Variants in TRPC5 observed in about 807,000 individuals in gnomAD.
TRPC5 encodes the protein transient receptor potential cation channel subfamily C member 5.
Under a neutral mutation model 56.5 loss-of-function variants are expected in TRPC5, and 9 were observed. The ratio of observed to expected loss-of-function variants is 0.16; its 90% CI spans 0.10 to 0.28. The LOEUF is 0.28. Among genes scored for constraint, TRPC5 ranks in the 10% least tolerant of loss-of-function variants. The probability of loss-of-function intolerance (pLI) is 1.00; values close to 1 mark genes in which losing one functional copy is unlikely to be tolerated. For missense variants in TRPC5, 469 were observed against 748.9 expected (o/e 0.63, Z 4.36); for synonymous variants, 282 against 278.5 (o/e 1.01, Z -0.13).
In TRPC5 at chrX:111,770,962, T is replaced by C. The variant is rs768551668; in HGVS notation, c.*5351A>G. 8.9e-6 allele frequency among the ~76,000 whole-genome samples: 1 copy of C among 112,110 alleles called. No individual in the cohort carries two copies. Among genetic ancestry groups the C allele is most frequent in the East Asian group, 2.8e-4 (1 of 3,561 alleles). On this transcript the variant is annotated 3_prime_UTR_variant, in exon 11 of 11. Transcript: ENST00000262839. ...TGTGTATGTATGTAAGCTCCTGGGA[T>C]GTTAGGTTGCCCCAAAACCTGCTAA...
At chrX:111,963,511 C>T (rs903279956) in intron 1 of TRPC5, among the ~76,000 whole-genome samples, 4 of 112,083 alleles carry the variant, frequency 3.6e-5, no homozygotes, top group South Asian at 3.7e-4. Context: ...GATCTGAGAA[C>T]GAGCAGACTG....
At chrX:111,939,023 T>C (rs1008820699) in intron 2 of TRPC5, among the ~76,000 whole-genome samples, 6 of 111,967 alleles carry the variant, frequency 5.4e-5, no homozygotes, top group Non-Finnish European at 9.4e-5. Context: ...TTCAGTACGA[T>C]AGTAGCTGTG....
At chrX:112,006,733 T>G (rs1928854629) in intron 1 of TRPC5, among the ~76,000 whole-genome samples, 1 of 112,040 alleles carries the variant, frequency 8.9e-6, no homozygotes, top group Non-Finnish European at 1.9e-5. Flanking sequence ...GGTTTGGGTT[T>G]GATTCTGGAG....
In TRPC5 at chrX:111,921,817, T is replaced by A. The variant is rs1926134822; in HGVS notation, c.379-9005A>T. On this transcript the variant is annotated intron_variant, in intron 2 of 10. Transcript: ENST00000262839. Reference sequence around the variant, plus strand: ...ACTGTCTTGCCTTTCCCTGGGACTTTTCATTCAGGCCATAATGAGTTTGCT... The same window carrying A: ...ACTGTCTTGCCTTTCCCTGGGACTTATCATTCAGGCCATAATGAGTTTGCT... Among the ~76,000 whole-genome samples the A allele has an allele frequency of 3.6e-5, 4 of 112,008 alleles. No individual in the cohort carries two copies. In the South Asian group the frequency reaches 1.5e-3, roughly 42 times the overall value.
intron 7 of TRPC5, among the ~76,000 whole-genome samples, chrX:111,824,781 G>T (rs1922137843): frequency 8.9e-6 from 1 of 111,918 alleles, no homozygotes; most frequent in Non-Finnish European, 1.9e-5. Flanking sequence ...CATTGTTGGG[G>T]CAGGGGGGAC....
chrX:111,789,662 C>T (rs190913222), intron 7 of TRPC5, among the ~76,000 whole-genome samples: 4 of 112,032 alleles, frequency 3.6e-5, no homozygotes, highest in African/African-American at 1.3e-4. Flanking sequence ...GTGCAATCTG[C>T]CCATCTGACA....
At chrX:111,781,735 A>C (rs1321908666) in intron 8 of TRPC5, among the ~76,000 whole-genome samples, 200 bp downstream of exon 8, 1 of 109,463 alleles carries the variant, frequency 9.1e-6, no homozygotes, top group African/African-American at 3.3e-5. Flanking sequence ...AAAAGTAATA[A>C]ATACAAAAAA....
intron 1 of TRPC5, among the ~76,000 whole-genome samples, chrX:111,956,246 T>C (rs750707405): frequency 1.9e-4 from 21 of 112,226 alleles, no homozygotes; most frequent in Non-Finnish European, 3.6e-4. Context: ...CTTCAGAGTG[T>C]CGTGGTATCT....
Position 111,952,169 on chromosome X carries a change from C to T in TRPC5, c.252G>A (p.Glu84=), listed in dbSNP as rs1168942773. ...TGTGGTTCAGCAGTAGCTCCATGAT[C>T]TCCAGGTTCTCGTTCTCAATGGCAA... is the stretch of plus-strand genomic sequence containing the variant. ...LLIAIENENL[E]IMELLLNHSV... is the part of the protein sequence containing the mutation. Residue 84 remains glutamate (E), a synonymous_variant, in exon 2 of 11, where the codon GAG becomes GAA. Coordinates refer to ENST00000262839, the MANE Select transcript of TRPC5 (RefSeq NM_012471.3). The T allele has an allele frequency of 3.3e-6, 4 of 1,212,199 alleles. No individual in the cohort carries two copies. The highest frequency in any genetic ancestry group is 4.5e-6 in the Non-Finnish European group (4 of 895,657).
intron 2 of TRPC5, among the ~76,000 whole-genome samples, chrX:111,925,807 C>T (rs1167500108): frequency 9.0e-6 from 1 of 111,670 alleles, no homozygotes. Flanking sequence ...AGACCCCTTA[C>T]CTTTGGAGAC....
chrX:112,027,157 T>G (rs1229459066), intron 1 of TRPC5, among the ~76,000 whole-genome samples: 2 of 111,998 alleles, frequency 1.8e-5, no homozygotes, highest in Non-Finnish European at 3.8e-5. Context: ...CTTGGTAGTA[T>G]TGGTAAATTG....
chrX:111,964,049 C>A (rs1326923063), intron 1 of TRPC5, among the ~76,000 whole-genome samples: 1 of 111,223 alleles, frequency 9.0e-6, no homozygotes, highest in East Asian at 2.8e-4. Flanking sequence ...AAATTCAAAC[C>A]AATAGCAAAG....
chrX:112,070,006 G>A (rs777495789), intron 1 of TRPC5, among the ~76,000 whole-genome samples: 3 of 111,619 alleles, frequency 2.7e-5, no homozygotes, highest in African/African-American at 3.3e-5. Flanking sequence ...CCAATGTACC[G>A]TCTGTCTCTG....
intron 1 of TRPC5, among the ~76,000 whole-genome samples, chrX:111,979,066 G>A (rs1311986180): frequency 9.0e-6 from 1 of 110,987 alleles, no homozygotes; most frequent in Non-Finnish European, 1.9e-5. Context: ...AATGAAAGAT[G>A]TACACATTGG....
At chrX:111,830,963 A>G (rs1436417362) in intron 7 of TRPC5, among the ~76,000 whole-genome samples, 1 of 112,368 alleles carries the variant, frequency 8.9e-6, no homozygotes, top group Non-Finnish European at 1.9e-5. Context: ...ACATAATACA[A>G]CACAATCACA....
intron 1 of TRPC5, among the ~76,000 whole-genome samples, chrX:112,015,931 G>C (rs185086015): frequency 9.0e-6 from 1 of 111,641 alleles, no homozygotes; most frequent in Non-Finnish European, 1.9e-5. Flanking sequence ...GCCATGGTTA[G>C]AACTGTCTTC....
At chrX:112,017,539 T>C (rs1317805588) in intron 1 of TRPC5, among the ~76,000 whole-genome samples, 1 of 109,458 alleles carries the variant, frequency 9.1e-6, no homozygotes, top group East Asian at 2.9e-4. Flanking sequence ...GTTTAGAGAA[T>C]AAAATTTCCA....
intron 7 of TRPC5, among the ~76,000 whole-genome samples, chrX:111,788,057 A>ATT (rs1202277440): frequency 3.6e-5 from 4 of 112,066 alleles, no homozygotes; most frequent in Non-Finnish European, 7.5e-5. Flanking sequence ...TCCCTAACTC[A>ATT]TTTTATGAGG....
chrX:111,882,716 CT>C (rs1182719056), intron 3 of TRPC5, among the ~76,000 whole-genome samples: 1 of 112,664 alleles, frequency 8.9e-6, no homozygotes, highest in African/African-American at 3.2e-5. Flanking sequence ...CTAAGCCCAC[CT>C]AAGGCCTACT....
Sources: gnomAD v4.1 joint callset for allele counts (sites outside exome capture counted in the v4.1 genomes callset) on GRCh38, gnomAD v4.1.1 for gene constraint, MANE v1.5 for transcripts, NCBI Gene and HGNC (gene_info 2026-07-23, HGNC 2026-07-21) for gene names.